Variants in CCT4 observed in about 807,000 individuals in gnomAD.
CCT4 encodes chaperonin containing TCP1 subunit 4, also known as T-complex protein 1 subunit delta.
A neutral mutation model predicts 62.5 loss-of-function variants in CCT4; 17 were observed. The ratio of observed to expected loss-of-function variants is 0.27; its 90% confidence interval spans 0.19 to 0.41. CCT4 has a LOEUF of 0.41. Among genes scored for constraint, CCT4 ranks in the 10% least tolerant of loss-of-function variants. The pLI is 1.00. For synonymous variants in CCT4, 250 were observed against 229.9 expected, an observed-to-expected ratio of 1.09 and a Z score of -0.79; for missense variants, 592 against 659.2, an observed-to-expected ratio of 0.90 and a Z score of 1.12.
chr2:61,876,261 T>C, intron 7 of CCT4, 27 bp from the exon 8 acceptor site: 1 of 1,540,694 alleles, frequency 6.5e-7, no homozygotes, highest in Non-Finnish European at 8.8e-7. Context: ...CATCATAATT[T>C]GCATTGTAAG....
rs1668898126 is a variant in CCT4 at position 61,872,191 on chromosome 2, A to G, written c.1382T>C (p.Ile461Thr). The G allele has an allele frequency of 6.2e-7, 1 of 1,613,690 alleles. No homozygotes were observed. The highest frequency in any genetic ancestry group is 1.3e-5 in the African/African-American group (1 of 74,894). Residue 461 changes from isoleucine (I) to threonine (T), a missense_variant, in exon 12 of 14, where the codon ATT (isoleucine) becomes ACT (threonine). By Grantham distance (89) the Ile-to-Thr change is moderately conservative. Transcript: ENST00000394440. ...VRAFADAMEVIPSTLAENAGL... is the reference protein window; with the variant it reads ...VRAFADAMEVTPSTLAENAGL... ...GGCATTTTCAGCTAGTGTAGATGGA[A>G]TGACCTCCATAGCATCTGCAAAAGC...
intron 13 of CCT4, chr2:61,868,964 G>A (rs1021384340): frequency 2.0e-5 from 8 of 391,134 alleles, no homozygotes; most frequent in South Asian, 5.1e-5. Flanking sequence ...GTGAAACCCC[G>A]TCTCTACTAA....
At chr2:61,878,325 A>T (rs10167021) in intron 5 of CCT4, among the ~76,000 whole-genome samples, 149,098 of 152,338 alleles carry the variant, frequency 0.98, 72,973 homozygotes, top group East Asian at 1. Flanking sequence ...AAGCAGCATA[A>T]GTATTAGTTA....
intron 5 of CCT4, 136 bp downstream of exon 5, chr2:61,878,733 C>G: frequency 1.9e-6 from 1 of 515,422 alleles, no homozygotes; most frequent in Non-Finnish European, 3.3e-6. Flanking sequence ...TAATCTTAAA[C>G]CAATTCAATT....
Position 61,888,521 on chromosome 2 carries a change from G to A in CCT4, c.-14C>T, listed in dbSNP as rs973147896. ...ATTCTCGGGCATGGCAAACTCCGCT[G>A]TGTCTGGGTTGGCTCGGGAAGGACG... On this transcript the variant is annotated 5_prime_UTR_variant, in exon 1 of 14. Transcript: ENST00000394440. 17 of 1,609,876 alleles carry A rather than the reference G, an allele frequency of 1.1e-5. No individual in the cohort carries two copies. Among genetic ancestry groups the A allele is most frequent in the Admixed American group, 3.3e-5 (2 of 59,734 alleles).
Position 61,872,921 on chromosome 2 carries a change from C to T in CCT4, c.1125+81G>A, listed in dbSNP as rs572574629. 5.6e-5 allele frequency: 47 copies of T among 837,092 alleles called. No individual in the cohort carries two copies. In the Middle Eastern group the frequency reaches 7.1e-4, roughly 13 times the overall value. 51.9% of individuals were successfully genotyped at this position (837,092 alleles called of 1,614,324 possible). A position where few individuals can be genotyped will look rare whatever the true frequency, so the allele number is the denominator to read the frequency against. ...CAACCTGGGCGACAGAGTGAGACTC[C>T]GTCTCAAAAAAAGAAAAAAAACAAC... is the stretch of plus-strand genomic sequence containing the variant. On this transcript the variant is annotated intron_variant, in intron 10 of 13. Coordinates refer to ENST00000394440, the MANE Select transcript of CCT4 (RefSeq NM_006430.4).
rs552359974 is a variant in CCT4 at position 61,873,915 on chromosome 2, G to A, written c.918-622C>T. On this transcript the variant is annotated intron_variant, in intron 8 of 13. Transcript: ENST00000394440. ...AGGGTCTCCCTATGTTGCCCAGGCC[G>A]GTCTTGAACTCAGGGCTCAAGTGAT... is the stretch of plus-strand genomic sequence containing the variant. Among the ~76,000 whole-genome samples the A allele has an allele frequency of 4.0e-5, 6 of 151,812 alleles. No individual in the cohort carries two copies. In the South Asian group the frequency reaches 6.3e-4, roughly 16 times the overall value.
rs759367473 is a variant in CCT4, at chr2:61,883,500, T to C, written c.229A>G (p.Ile77Val). Residue 77 changes from isoleucine to valine, a missense_variant, in exon 3 of 14, where the codon ATT becomes GTT. Ile to Val is a conservative substitution (Grantham distance 29, BLOSUM62 3). Transcript: ENST00000394440. The part of the protein sequence containing the change: ...DVTITNDGAT[I>V]LKQMQVLHPA... ...TGTAATACTTGCATTTGTTTCAGAA[T>C]GGTAGCACCATCATTTGTAATGGTT... 80 of 1,601,654 alleles carry C rather than the reference T, an allele frequency of 5.0e-5. No homozygotes were observed. The highest frequency in any genetic ancestry group is 6.3e-5 in the Non-Finnish European group (74 of 1,174,586).
At chr2:61,872,908 CAG>C in intron 10 of CCT4, 92 bp downstream of exon 10, 2 of 781,342 alleles carry the variant, frequency 2.6e-6, no homozygotes, top group Non-Finnish European at 4.5e-6. Flanking sequence ...ACCTGGGCGA[CAG>C]AGTGAGACTC....
intron 12 of CCT4, among the ~76,000 whole-genome samples, chr2:61,871,031 GTTTTTT>G (rs747752539): frequency 7.2e-6 from 1 of 138,806 alleles, no homozygotes; most frequent in African/African-American, 2.7e-5. Flanking sequence ...TCTATTAATA[GTTTTTT>G]TTTTTTTTTT....
At chr2:61,882,039 T>C (rs1298363906) in intron 3 of CCT4, among the ~76,000 whole-genome samples, 1 of 151,586 alleles carries the variant, frequency 6.6e-6, no homozygotes, top group African/African-American at 2.4e-5. Context: ...GTTCAAGCAA[T>C]TCTCCTGTCT....
intron 5 of CCT4, among the ~76,000 whole-genome samples, chr2:61,877,946 A>G (rs1426625261): frequency 6.6e-6 from 1 of 152,226 alleles, no homozygotes; most frequent in Admixed American, 6.5e-5. Flanking sequence ...AGAACTTTAC[A>G]TATTAACTCA....
Position 61,873,088 on chromosome 2 carries a change from G to A in CCT4, c.1039C>T (p.His347Tyr). Residue 347 changes from histidine to tyrosine, a missense_variant, in exon 10 of 14, where the codon CAT becomes TAT. Physicochemically the swap from His to Tyr is moderately conservative, Grantham distance 83 (BLOSUM62 2). Around this residue, in one of 3 missense-constraint regions of CCT4, gnomAD observed 522 missense variants for 571.2 expected, o/e 0.91. Coordinates refer to ENST00000394440, the MANE Select transcript of CCT4 (RefSeq NM_006430.4). ...ATGTCAGCAGTAAATTGGTCAATAT[G>A]AGCAACTGGCTTGGTTCCAATTGTC... Reference protein sequence around the residue: ...CKTIGTKPVAHIDQFTADMLG... With the variant: ...CKTIGTKPVAYIDQFTADMLG... 1.2e-6 allele frequency: 2 copies of A among 1,611,086 alleles called. No homozygotes were observed. The highest frequency in any genetic ancestry group is 1.7e-6 in the Non-Finnish European group (2 of 1,177,224).
Position 61,888,634 on chromosome 2 carries a change from G to A in CCT4, c.-127C>T, listed in dbSNP as rs898658029. The A allele has an allele frequency of 8.6e-6, 10 of 1,169,458 alleles. No individual in the cohort carries two copies. The highest frequency in any genetic ancestry group is 6.3e-5 in the African/African-American group (4 of 63,656). 72.4% of individuals were successfully genotyped at this position (1,169,458 alleles called of 1,614,324 possible). ...CCTTCCAGAAAGCGGCGCCGGCGTCGGGAGGAGGCGGAGGCGGAGAAGGGG... is the reference window on the plus strand; with the variant it reads ...CCTTCCAGAAAGCGGCGCCGGCGTCAGGAGGAGGCGGAGGCGGAGAAGGGG... On this transcript the variant is annotated 5_prime_UTR_variant, in exon 1 of 14. Coordinates refer to ENST00000394440, the MANE Select transcript of CCT4 (RefSeq NM_006430.4).
chr2:61,873,317 T>C, intron 8 of CCT4, 24 bp from the exon 9 acceptor site: 1 of 1,324,610 alleles, frequency 7.5e-7, no homozygotes, highest in Non-Finnish European at 1.1e-6. Flanking sequence ...TCAGTGATTA[T>C]GTCAATGCTA....
chr2:61,869,491 A>T lies in CCT4; in HGVS notation c.1554T>A (p.Ala518=). The stretch of plus-strand genomic sequence containing the variant: ...GAACAGTTTCAGTTGCAAGAGTCAG[A>T]GCACTGACTGATACCAACAGAGGCT... ...VVQPLLVSVS[A]LTLATETVRS... The change falls in exon 13 of 14, where the codon GCT becomes GCA. Residue 518 remains alanine, a synonymous_variant. Transcript: ENST00000394440. 6.2e-7 allele frequency: 1 copy of T among 1,611,330 alleles called. No homozygotes were observed. Among genetic ancestry groups the T allele is most frequent in the South Asian group, 1.1e-5 (1 of 91,038 alleles).
chr2:61,882,796 C>T (rs894261539), intron 3 of CCT4, among the ~76,000 whole-genome samples: 1 of 149,662 alleles, frequency 6.7e-6, no homozygotes, highest in Non-Finnish European at 1.5e-5. Context: ...CAGGTGTGAG[C>T]CACTGTGCCC....
intron 4 of CCT4, among the ~76,000 whole-genome samples, chr2:61,879,256 C>CTTT (rs35373962): frequency 0.16 from 15,707 of 100,998 alleles, 2,323 homozygotes; most frequent in African/African-American, 0.21. Flanking sequence ...AAATTTTATA[C>CTTT]TTTTTTTTTT....
In CCT4 at chr2:61,888,329, G is replaced by A. The variant is rs933793847; in HGVS notation, c.127+52C>T. ...CCAAACCCGCTCAAGCCCACGATGAGAGCGCAGAGCACAACCCCGCGGCGC... is the reference window on the plus strand; with the variant it reads ...CCAAACCCGCTCAAGCCCACGATGAAAGCGCAGAGCACAACCCCGCGGCGC... On this transcript the variant is annotated intron_variant, in intron 1 of 13. Transcript: ENST00000394440. 3 of 1,577,698 alleles carry A rather than the reference G, an allele frequency of 1.9e-6. No homozygotes were observed. In the East Asian group the frequency reaches 6.9e-5, roughly 37 times the overall value.
Sources: allele counts gnomAD v4.1 joint callset (sites outside exome capture counted in the v4.1 genomes callset), GRCh38; gene constraint gnomAD v4.1.1; regional missense constraint gnomAD v4.1.1; transcripts MANE v1.5; gene names NCBI Gene and HGNC (gene_info 2026-07-23, HGNC 2026-07-21).